SELENOF: variants seen among roughly 807,000 people sequenced by gnomAD.
SELENOF encodes 15 kDa selenoprotein.
Under a neutral mutation model 20.5 loss-of-function variants are expected in SELENOF, and 16 were observed. The ratio of observed to expected loss-of-function variants is 0.78; its 90% confidence interval spans 0.53 to 1.19. The LOEUF is 1.19. Ranked by LOEUF, SELENOF falls within the 50% of genes most tolerant of loss-of-function variation. The probability of loss-of-function intolerance (pLI) is 0.00; values close to 1 mark genes in which losing one functional copy is unlikely to be tolerated. For missense variants in SELENOF, 215 were observed against 194.2 expected, an observed-to-expected ratio of 1.11 and a Z score of -0.64; for synonymous variants, 78 against 74.5, an observed-to-expected ratio of 1.05 and a Z score of -0.24.
At chr1:86,883,452 CTAAA>C (rs150461238) in intron 2 of SELENOF, among the ~76,000 whole-genome samples, 232 of 151,728 alleles carry the variant, frequency 1.5e-3, no homozygotes, top group South Asian at 1.9e-3. Flanking sequence ...ATATTTTACA[CTAAA>C]TAGTGTATAG....
intron 2 of SELENOF, among the ~76,000 whole-genome samples, chr1:86,897,407 A>C (rs1428772516): frequency 6.6e-6 from 1 of 152,212 alleles, no homozygotes; most frequent in Non-Finnish European, 1.5e-5. Flanking sequence ...GGGAATACAA[A>C]AGTGTAGCTA....
At chr1:86,877,758 C>CT (rs1190425942) in intron 3 of SELENOF, among the ~76,000 whole-genome samples, 1 of 152,080 alleles carries the variant, frequency 6.6e-6, no homozygotes, top group African/African-American at 2.4e-5. Flanking sequence ...GTCCTGCTTG[C>CT]TTTTTTTAAT....
At chr1:86,868,015 A>G in intron 4 of SELENOF, 38 bp downstream of exon 4, 1 of 986,354 alleles carries the variant, frequency 1.0e-6, no homozygotes, top group South Asian at 2.3e-5. Context: ...AAAGAAATTA[A>G]GGCTGGAAAA....
intron 1 of SELENOF, among the ~76,000 whole-genome samples, chr1:86,903,740 G>A (rs532502172): frequency 3.0e-4 from 46 of 152,166 alleles, no homozygotes; most frequent in African/African-American, 1.1e-3. Flanking sequence ...GATTACAGGC[G>A]CATGCCACCA....
At chr1:86,880,973 G>A (rs751075772) in intron 2 of SELENOF, among the ~76,000 whole-genome samples, 23 of 152,134 alleles carry the variant, frequency 1.5e-4, no homozygotes, top group Non-Finnish European at 2.6e-4. Context: ...TAGCCAAAAA[G>A]ACCGAAGGAG....
At chr1:86,880,822 G>T in intron 2 of SELENOF, 97 bp from the exon 3 acceptor site, 1 of 737,982 alleles carries the variant, frequency 1.4e-6, no homozygotes, top group Non-Finnish European at 2.1e-6. Context: ...ATTACAGTTA[G>T]CAGATATATA....
Position 86,863,515 on chromosome 1 carries a change from T to C in SELENOF, c.457A>G (p.Ser153Gly). The C allele has an allele frequency of 6.2e-7, 1 of 1,613,666 alleles. No homozygotes were observed. Among genetic ancestry groups the C allele is most frequent in the Non-Finnish European group, 8.5e-7 (1 of 1,179,688 alleles). Residue 153 changes from serine to glycine, a missense_variant, in exon 5 of 5, where the codon AGT (serine) becomes GGT (glycine). Coordinates refer to ENST00000331835, the MANE Select transcript of SELENOF (RefSeq NM_004261.5). ...TTTTCACTCAGGAATTCTTCTACAC[T>C]GTCTGTGTTCCATTTGAGAATGCTC... Reference protein sequence around the residue: ...ELSILKWNTDSVEEFLSEKLE... With the variant: ...ELSILKWNTDGVEEFLSEKLE...
In SELENOF at chr1:86,914,039, C is replaced by T; in HGVS notation, c.73G>A (p.Val25Met). 1 of 1,613,948 alleles carries T rather than the reference C, an allele frequency of 6.2e-7. No individual in the cohort carries two copies. The highest frequency in any genetic ancestry group is 8.5e-7 in the Non-Finnish European group (1 of 1,179,844). ...TGATCTACACTCACCGCTTGAAGCA[C>T]AGTCGCCAACAACAACCGTAGCCCA... ...AFGLRLLLAT[V>M]LQAVSAFGAE... The change falls in exon 1 of 5, where the codon GTG becomes ATG. Residue 25 changes from valine to methionine, a missense_variant. Val to Met is a conservative substitution (Grantham distance 21). Transcript: ENST00000331835.
At chr1:86,887,616 T>G (rs1351654919) in intron 2 of SELENOF, among the ~76,000 whole-genome samples, 1 of 152,174 alleles carries the variant, frequency 6.6e-6, no homozygotes. Context: ...CATTCTAGGT[T>G]AGACCATTCT....
chr1:86,869,631 ATACTT>A lies in SELENOF; in HGVS notation c.317-1534_317-1530del, dbSNP rs141684831. Among the ~76,000 whole-genome samples, 1,311 of 152,316 alleles carry A rather than the reference ATACTT, an allele frequency of 8.6e-3. 23 individuals are homozygous for A. Among genetic ancestry groups the A allele is most frequent in the African/African-American group, 0.029 (1,225 of 41,554 alleles). On this transcript the variant is annotated intron_variant, in intron 3 of 4. Transcript: ENST00000331835. The stretch of plus-strand genomic sequence containing the variant: ...TTCCCGTTTTGGTTGTTATCAATCT[ATACTT>A]TACCAATTTTCAATAATGATCATGC...
chr1:86,864,958 A>T (rs1658555137), intron 4 of SELENOF, among the ~76,000 whole-genome samples: 1 of 148,294 alleles, frequency 6.7e-6, no homozygotes, highest in Admixed American at 6.7e-5. Flanking sequence ...TCTTAAGTTA[A>T]GGATTTTTTT....
At chr1:86,914,264 T>C, upstream of SELENOF, 1 of 676,354 alleles carries the variant, frequency 1.5e-6, no homozygotes, top group Non-Finnish European at 2.6e-6. Flanking sequence ...AGCTTAAAAG[T>C]CATCAAATAC....
chr1:86,884,346 TACACACACACAC>T (rs142756978), intron 2 of SELENOF, among the ~76,000 whole-genome samples: 2,969 of 145,536 alleles, frequency 0.02, 105 homozygotes, highest in African/African-American at 0.062. Context: ...CGCACATACA[TACACACACACAC>T]ACACACACAC....
At chr1:86,891,651 T>A (rs756770425) in intron 2 of SELENOF, among the ~76,000 whole-genome samples, 9 of 152,156 alleles carry the variant, frequency 5.9e-5, no homozygotes, top group South Asian at 2.1e-4. Flanking sequence ...TATAAAAAAA[T>A]TTTAAATAAT....
chr1:86,888,435 ATC>A (rs1364810332), intron 2 of SELENOF, among the ~76,000 whole-genome samples: 1 of 152,134 alleles, frequency 6.6e-6, no homozygotes, highest in African/African-American at 2.4e-5. Flanking sequence ...TTCAGAAGAA[ATC>A]TTTTTTTTAA....
chr1:86,867,734 A>C (rs1393939519), intron 4 of SELENOF, among the ~76,000 whole-genome samples: 1 of 142,762 alleles, frequency 7.0e-6, no homozygotes, highest in Admixed American at 7.2e-5. Flanking sequence ...ATATATCAAT[A>C]TTGATTCATC....
intron 1 of SELENOF, among the ~76,000 whole-genome samples, chr1:86,909,422 T>A (rs1252796894): frequency 6.6e-6 from 1 of 152,024 alleles, no homozygotes. Flanking sequence ...TTTTTGAGAG[T>A]GGTTGGGCTT....
intron 3 of SELENOF, 66 bp from the exon 4 acceptor site, chr1:86,868,168 T>C (rs146015796): frequency 2.1e-5 from 16 of 765,578 alleles, no homozygotes; most frequent in African/African-American, 3.6e-5. Context: ...AAAAGATTAA[T>C]ATAAAAGTGG....
intron 3 of SELENOF, among the ~76,000 whole-genome samples, chr1:86,877,961 TGA>T (rs1387715128): frequency 6.6e-6 from 1 of 152,108 alleles, no homozygotes; most frequent in Non-Finnish European, 1.5e-5. Flanking sequence ...CATTACTTTC[TGA>T]GAGACAGCCA....
Sources: allele counts gnomAD v4.1 joint callset (sites outside exome capture counted in the v4.1 genomes callset), GRCh38; gene constraint gnomAD v4.1.1; transcripts MANE v1.5; gene names NCBI Gene and HGNC (gene_info 2026-07-23, HGNC 2026-07-21).